PPP2R2B: variants seen among roughly 807,000 people sequenced by gnomAD.
PPP2R2B encodes protein phosphatase 2 regulatory subunit Bbeta, also known as serine/threonine-protein phosphatase 2A 55 kDa regulatory subunit B beta isoform.
Under a neutral mutation model 46.0 loss-of-function variants are expected in PPP2R2B, and 5 were observed. The observed-to-expected ratio is 0.11, with a 90% CI of 0.06 to 0.23. PPP2R2B has a LOEUF of 0.23. Among genes scored for constraint, PPP2R2B ranks in the 10% least tolerant of loss-of-function variants. The pLI is 1.00. For missense variants in PPP2R2B, 367 were observed against 575.0 expected, an observed-to-expected ratio of 0.64 and a Z score of 3.70; for synonymous variants, 215 against 206.7, an observed-to-expected ratio of 1.04 and a Z score of -0.34.
intron 1 of PPP2R2B, among the ~76,000 whole-genome samples, chr5:146,970,569 G>T (rs1752620404): frequency 6.6e-6 from 1 of 151,918 alleles, no homozygotes; most frequent in South Asian, 2.1e-4. Flanking sequence ...CTGCACTCCA[G>T]TCTAGGGGAC....
chr5:146,593,112 T>C, intron 8 of PPP2R2B, 50 bp from the exon 9 acceptor site: 3 of 1,434,192 alleles, frequency 2.1e-6, no homozygotes, highest in Non-Finnish European at 9.8e-7. Context: ...AAACAGTAAT[T>C]ATTTCTGCAA....
At chr5:146,597,266 A>G (rs1003705235) in intron 8 of PPP2R2B, among the ~76,000 whole-genome samples, 2 of 152,076 alleles carry the variant, frequency 1.3e-5, no homozygotes, top group Admixed American at 1.3e-4. Flanking sequence ...GGTCTCATCT[A>G]TTCAATGTGT....
At chr5:146,658,732 C>T (rs1776501927) in intron 5 of PPP2R2B, among the ~76,000 whole-genome samples, 1 of 152,196 alleles carries the variant, frequency 6.6e-6, no homozygotes. Flanking sequence ...TTTAACTTAT[C>T]CTGAATCTTA....
At chr5:147,067,054 T>A (rs1004934310) in intron 2 of PPP2R2B, among the ~76,000 whole-genome samples, 1 of 152,208 alleles carries the variant, frequency 6.6e-6, no homozygotes, top group Non-Finnish European at 1.5e-5. Context: ...AGGAGGTTTT[T>A]ATTTTTAATT....
At chr5:146,760,553 T>A (rs1415012989) in intron 2 of PPP2R2B, among the ~76,000 whole-genome samples, 2 of 152,128 alleles carry the variant, frequency 1.3e-5, no homozygotes, top group Admixed American at 6.5e-5. Flanking sequence ...TGATGAATTA[T>A]CAAACTAAAC....
intron 2 of PPP2R2B, among the ~76,000 whole-genome samples, chr5:146,819,113 T>A (rs1159854772): frequency 6.6e-6 from 1 of 152,212 alleles, no homozygotes; most frequent in African/African-American, 2.4e-5. Context: ...CTCTAATTCT[T>A]TCTCTTGCTC....
chr5:146,593,154 C>T (rs1395313679), intron 8 of PPP2R2B, 92 bp from the exon 9 acceptor site: 1 of 1,093,634 alleles, frequency 9.1e-7, no homozygotes, highest in Non-Finnish European at 1.4e-6. Flanking sequence ...GCTGTTAAAT[C>T]TTTCATTGTA....
intron 7 of PPP2R2B, among the ~76,000 whole-genome samples, chr5:146,629,300 G>A (rs1301449644): frequency 6.6e-6 from 1 of 152,076 alleles, no homozygotes; most frequent in African/African-American, 2.4e-5. Context: ...TCAGTGTATG[G>A]TACCGTACAG....
chr5:146,919,689 A>G (rs535333010), intron 1 of PPP2R2B: 3 of 152,206 alleles, frequency 2.0e-5, no homozygotes, highest in African/African-American at 7.2e-5. Flanking sequence ...CTCACCTGCC[A>G]CAACTGGACA....
chr5:146,774,768 G>A (rs953158896), intron 2 of PPP2R2B, among the ~76,000 whole-genome samples: 64 of 148,282 alleles, frequency 4.3e-4, no homozygotes, highest in Non-Finnish European at 7.5e-4. Flanking sequence ...AGTGAGCTGA[G>A]ATCATGCCAC....
chr5:147,054,586 A>C (rs757377624), intron 1 of PPP2R2B: 1 of 456,156 alleles, frequency 2.2e-6, no homozygotes, highest in South Asian at 1.5e-5. Context: ...GAAGGTACGG[A>C]TAAAAAATTA....
intron 2 of PPP2R2B, among the ~76,000 whole-genome samples, chr5:146,726,420 G>C (rs1353100755): frequency 2.0e-5 from 3 of 152,070 alleles, no homozygotes; most frequent in African/African-American, 4.8e-5. Flanking sequence ...GTGCAGAAGG[G>C]GAGTATGGCC....
At chr5:146,736,068 C>G (rs1052842651) in intron 2 of PPP2R2B, among the ~76,000 whole-genome samples, 1 of 152,066 alleles carries the variant, frequency 6.6e-6, no homozygotes, top group Non-Finnish European at 1.5e-5. Flanking sequence ...GAGCAGTTTC[C>G]CCCATCCTGT....
At chr5:146,649,571 A>C (rs938571113) in intron 6 of PPP2R2B, among the ~76,000 whole-genome samples, 3 of 151,962 alleles carry the variant, frequency 2.0e-5, no homozygotes, top group Non-Finnish European at 2.9e-5. Flanking sequence ...CAGCCTCCCA[A>C]GTAACTGGGA....
At chr5:146,828,254 CTTT>C (rs78614284) in intron 2 of PPP2R2B, among the ~76,000 whole-genome samples, 1 of 148,524 alleles carries the variant, frequency 6.7e-6, no homozygotes, top group African/African-American at 2.5e-5. Context: ...ATTACTTTTA[CTTT>C]TTTTAAAAAA....
intron 1 of PPP2R2B, among the ~76,000 whole-genome samples, chr5:147,049,537 T>G (rs1037520418): frequency 1.3e-5 from 2 of 151,982 alleles, no homozygotes; most frequent in African/African-American, 2.4e-5. Flanking sequence ...CCCATAGGAG[T>G]GGATGAGATC....
At chr5:146,627,654 C>T (rs1013800004) in intron 7 of PPP2R2B, among the ~76,000 whole-genome samples, 1 of 152,174 alleles carries the variant, frequency 6.6e-6, no homozygotes, top group Non-Finnish European at 1.5e-5. Flanking sequence ...TGGAAGCAGA[C>T]CTACATGGGT....
At chr5:146,846,703 ATTCT>A (rs1188097541) in intron 2 of PPP2R2B, among the ~76,000 whole-genome samples, 5 of 152,052 alleles carry the variant, frequency 3.3e-5, no homozygotes, top group Non-Finnish European at 7.4e-5. Flanking sequence ...TTTTATCTGT[ATTCT>A]TTATTTTTTT....
intron 2 of PPP2R2B, among the ~76,000 whole-genome samples, chr5:146,833,546 T>C (rs1759086583): frequency 1.3e-5 from 2 of 152,166 alleles, no homozygotes; most frequent in African/African-American, 4.8e-5. Context: ...CAAGGCAGTG[T>C]CTAACTTCAG....
Sources: gnomAD v4.1 joint callset for allele counts (sites outside exome capture counted in the v4.1 genomes callset) on GRCh38, gnomAD v4.1.1 for gene constraint, MANE v1.5 for transcripts, NCBI Gene and HGNC (gene_info 2026-07-23, HGNC 2026-07-21) for gene names.